RCL1: variants seen among roughly 807,000 people sequenced by gnomAD.
The protein encoded by RCL1 is RNA terminal phosphate cyclase like 1.
Under a neutral mutation model 42.4 loss-of-function variants are expected in RCL1, and 24 were observed. That is an observed-to-expected ratio of 0.57 (90% CI 0.41 to 0.80). RCL1 has a LOEUF of 0.80. Among genes scored for constraint, RCL1 ranks in the 30% least tolerant of loss-of-function variants. The pLI, the probability that RCL1 is intolerant of heterozygous loss-of-function variation, is 0.00. For synonymous variants in RCL1, 228 were observed against 177.3 expected, an observed-to-expected ratio of 1.29 and a Z score of -2.27; for missense variants, 578 against 467.9, an observed-to-expected ratio of 1.24 and a Z score of -2.17.
At chr9:4,827,753 T>C (rs62540650) in intron 3 of RCL1, among the ~76,000 whole-genome samples, 3 of 92,200 alleles carry the variant, frequency 3.3e-5, no homozygotes, top group Non-Finnish European at 7.1e-5. Context: ...TGTGTGTGTG[T>C]GTGCACGCGT....
At chr9:4,835,402 A>G (rs1817088420) in intron 5 of RCL1, among the ~76,000 whole-genome samples, 1 of 152,244 alleles carries the variant, frequency 6.6e-6, no homozygotes, top group Non-Finnish European at 1.5e-5. Context: ...GGGACTCAGC[A>G]GCAGGCTGTC....
At chr9:4,837,910 C>T (rs1031352345) in intron 5 of RCL1, among the ~76,000 whole-genome samples, 4 of 152,278 alleles carry the variant, frequency 2.6e-5, no homozygotes, top group Middle Eastern at 3.4e-3. Context: ...TTCCTCCTGG[C>T]TCCCCAGGAG....
chr9:4,858,114 A>G (rs10815097), intron 8 of RCL1, among the ~76,000 whole-genome samples: 90,503 of 151,634 alleles, frequency 0.6, 27,515 homozygotes, highest in East Asian at 0.76. Context: ...GGCCCCAAGC[A>G]ATTTGCCTGC....
chr9:4,813,276 C>A (rs992473936), intron 1 of RCL1, among the ~76,000 whole-genome samples: 1 of 152,094 alleles, frequency 6.6e-6, no homozygotes, highest in Non-Finnish European at 1.5e-5. Flanking sequence ...AAAATTTTTG[C>A]AATCTACCCA....
At chr9:4,824,799 A>T (rs1467526446) in intron 2 of RCL1, among the ~76,000 whole-genome samples, 2 of 152,156 alleles carry the variant, frequency 1.3e-5, no homozygotes, top group East Asian at 3.9e-4. Context: ...AGATACTCAC[A>T]TGTCTTTTGC....
Position 4,860,059 on chromosome 9 carries a change from G to A in RCL1, c.972-66G>A, listed in dbSNP as rs1422352342. 4.4e-6 allele frequency: 5 copies of A among 1,140,274 alleles called. No individual in the cohort carries two copies. The Admixed American group carries it at 1.4e-4, about 32-fold the overall frequency. The allele number at this position is 1,140,274 out of a possible 1,614,324, so 70.6% of individuals were successfully genotyped here. A position where few individuals can be genotyped will look rare whatever the true frequency, so the allele number is the denominator to read the frequency against. On this transcript the variant is annotated intron_variant, in intron 8 of 8. Transcript: ENST00000381750. ...GAGATTAAAACCTTGGATTCTAGGT[G>A]GTAGAGGATAATTTTTTTTTGAATG...
chr9:4,854,719 T>A (rs1408234368), intron 8 of RCL1, among the ~76,000 whole-genome samples: 1 of 152,134 alleles, frequency 6.6e-6, no homozygotes, highest in Non-Finnish European at 1.5e-5. Context: ...TCATGGCCTT[T>A]CCTGTTGACC....
At chr9:4,845,237 C>G (rs1817473853) in intron 7 of RCL1, among the ~76,000 whole-genome samples, 1 of 152,148 alleles carries the variant, frequency 6.6e-6, no homozygotes, top group Non-Finnish European at 1.5e-5. Flanking sequence ...CACAGAATAA[C>G]TAGGGAAGGC....
At chr9:4,842,077 C>T (rs145063935) in intron 6 of RCL1, among the ~76,000 whole-genome samples, 83 of 152,304 alleles carry the variant, frequency 5.4e-4, no homozygotes, top group Middle Eastern at 3.4e-3. Context: ...CTATAGTTAA[C>T]GATAAATATT....
chr9:4,795,666 A>G (rs1238545528), intron 1 of RCL1, among the ~76,000 whole-genome samples: 1 of 152,168 alleles, frequency 6.6e-6, no homozygotes, highest in East Asian at 1.9e-4. Flanking sequence ...CATATCCAAT[A>G]AAATCTTCAG....
intron 7 of RCL1, among the ~76,000 whole-genome samples, chr9:4,847,304 A>G (rs374659874): frequency 1.8e-4 from 28 of 152,318 alleles, no homozygotes; most frequent in African/African-American, 6.7e-4. Context: ...TATTAAAAGG[A>G]TGGAAATACT....
At position 4,842,706 on chromosome 9, in the gene RCL1, G is replaced by C. The variant is rs1278013483; in HGVS notation, c.710+1349G>C. ...TACAGAAATGGTAGCTCCTGATGCT[G>C]TTCTTTCCTTTACTCTCCCTTGTTG... is the stretch of plus-strand genomic sequence containing the variant. On this transcript the variant is annotated intron_variant, in intron 6 of 8. Coordinates refer to ENST00000381750, the MANE Select transcript of RCL1 (RefSeq NM_005772.5). 3.3e-5 allele frequency among the ~76,000 whole-genome samples: 5 copies of C among 152,216 alleles called. No homozygotes were observed. In the East Asian group the frequency reaches 9.6e-4, roughly 29 times the overall value.
chr9:4,808,115 T>C (rs919226357), intron 1 of RCL1, among the ~76,000 whole-genome samples: 1 of 152,168 alleles, frequency 6.6e-6, no homozygotes, highest in Admixed American at 6.5e-5. Flanking sequence ...CTGATTTTTC[T>C]GTCTAGTTCT....
At chr9:4,851,371 C>G (rs998849108) in intron 8 of RCL1, among the ~76,000 whole-genome samples, 1 of 152,158 alleles carries the variant, frequency 6.6e-6, no homozygotes, top group African/African-American at 2.4e-5. Context: ...GGGAAGCCTC[C>G]GTTCTTTTTG....
chr9:4,806,595 C>CAT (rs1815978687), intron 1 of RCL1, among the ~76,000 whole-genome samples: 1 of 135,022 alleles, frequency 7.4e-6, no homozygotes, highest in African/African-American at 3.3e-5. Flanking sequence ...TCTACACACA[C>CAT]ACACACACAC....
intron 5 of RCL1, among the ~76,000 whole-genome samples, chr9:4,840,270 G>C (rs981657128): frequency 9.9e-5 from 15 of 152,148 alleles, no homozygotes; most frequent in African/African-American, 3.6e-4. Context: ...TATATACCTC[G>C]TTCTACCTGT....
At chr9:4,827,057 G>A (rs771559639) in intron 3 of RCL1, 24 bp downstream of exon 3, 2 of 1,614,068 alleles carry the variant, frequency 1.2e-6, no homozygotes, top group South Asian at 1.1e-5. Flanking sequence ...ACAAACCGTG[G>A]TGTGGTTTTT....
At chr9:4,800,780 G>A (rs561514868) in intron 1 of RCL1, among the ~76,000 whole-genome samples, 7 of 150,770 alleles carry the variant, frequency 4.6e-5, no homozygotes, top group African/African-American at 1.5e-4. Context: ...AGCCTCCAGA[G>A]CAGCTGGGAT....
chr9:4,827,181 C>T, intron 3 of RCL1, 148 bp downstream of exon 3: 1 of 1,546,278 alleles, frequency 6.5e-7, no homozygotes. Context: ...AGGTTAATCA[C>T]TCCAGGAGGC....
Sources: allele counts gnomAD v4.1 joint callset (sites outside exome capture counted in the v4.1 genomes callset), GRCh38; gene constraint gnomAD v4.1.1; transcripts MANE v1.5; gene names NCBI Gene and HGNC (gene_info 2026-07-23, HGNC 2026-07-21).